Variants in KANK1 observed in about 807,000 individuals in gnomAD.
KANK1 encodes the protein KN motif and ankyrin repeat domains 1.
Under a neutral mutation model 106.2 loss-of-function variants are expected in KANK1, and 109 were observed. That is an observed-to-expected ratio of 1.03 (90% CI 0.88 to 1.20). The LOEUF is 1.20. Among genes scored for constraint, KANK1 ranks in the 50% most tolerant of loss-of-function variants. KANK1 has a pLI of 0.00. For synonymous variants in KANK1, 873 were observed against 652.2 expected (o/e 1.34, Z -5.16); for missense variants, 2,399 against 1,710.7 (o/e 1.40, Z -7.10).
chr9:548,683 A>T (rs1164810770), intron 1 of KANK1, among the ~76,000 whole-genome samples: 1 of 152,228 alleles, frequency 6.6e-6, no homozygotes. Flanking sequence ...AGGATATACT[A>T]AAATGTTAAT....
At chr9:621,512 C>T (rs1833141009) in intron 1 of KANK1, among the ~76,000 whole-genome samples, 1 of 152,180 alleles carries the variant, frequency 6.6e-6, no homozygotes, top group Non-Finnish European at 1.5e-5. Flanking sequence ...ATACAAAAGC[C>T]TTTGACCCCA....
At chr9:682,575 C>A (rs1464997267) in intron 2 of KANK1, among the ~76,000 whole-genome samples, 1 of 152,062 alleles carries the variant, frequency 6.6e-6, no homozygotes, top group Non-Finnish European at 1.5e-5. Context: ...TTGAAGTATT[C>A]TTTTTTTGTT....
In KANK1 at chr9:510,788, TGGTAAACA is replaced by T. The variant is rs1587367396; in HGVS notation, c.-84+6035_-84+6042del. ...TTCAAGTCAGCATCATGGGGTTTAA[TGGTAAACA>T]CCTGCCAGAGATTAGAATGCAGTAG... On this transcript the variant is annotated intron_variant, in intron 1 of 11. Transcript: ENST00000382297. Among the ~76,000 whole-genome samples the T allele has an allele frequency of 3.3e-5, 5 of 152,350 alleles. No homozygotes were observed. The East Asian group carries it at 9.6e-4, about 29-fold the overall frequency.
intron 3 of KANK1, among the ~76,000 whole-genome samples, chr9:719,418 T>C (rs1828705751): frequency 6.6e-6 from 1 of 152,212 alleles, no homozygotes; most frequent in Admixed American, 6.5e-5. Flanking sequence ...TTAGATGTTC[T>C]TTAAAAATTA....
At chr9:738,656 GTC>G in intron 8 of KANK1, 152 bp downstream of exon 8, 1 of 658,388 alleles carries the variant, frequency 1.5e-6, no homozygotes. Flanking sequence ...ATTTTCTTGA[GTC>G]ATTCATAAGA....
chr9:616,090 C>T (rs1372667967), intron 1 of KANK1, among the ~76,000 whole-genome samples: 1 of 152,204 alleles, frequency 6.6e-6, no homozygotes, highest in African/African-American at 2.4e-5. Flanking sequence ...CAGCCGAGCA[C>T]CACATCCACT....
chr9:577,813 C>T (rs762469405), intron 1 of KANK1, among the ~76,000 whole-genome samples: 49 of 152,124 alleles, frequency 3.2e-4, no homozygotes, highest in Non-Finnish European at 4.7e-4. Flanking sequence ...ACTGGCTTTA[C>T]GCATGAGAAG....
At chr9:516,637 A>C (rs111767928) in intron 1 of KANK1, among the ~76,000 whole-genome samples, 1 of 151,592 alleles carries the variant, frequency 6.6e-6, no homozygotes, top group Admixed American at 6.6e-5. Context: ...TGCGAAGTGC[A>C]GTGCAGAGAC....
intron 1 of KANK1, among the ~76,000 whole-genome samples, chr9:532,399 A>G (rs534868115): frequency 1.0e-3 from 109 of 106,198 alleles, no homozygotes; most frequent in East Asian, 2.5e-3. Context: ...TACCATTTCA[A>G]TCATTTTGAG....
At chr9:490,065 C>T (rs2058352921) in intron 3 of KANK1, among the ~76,000 whole-genome samples, 1 of 152,198 alleles carries the variant, frequency 6.6e-6, no homozygotes, top group Non-Finnish European at 1.5e-5. Context: ...TTTATAGGGT[C>T]ACTCTCTGGG....
At position 698,486 on chromosome 9, in the gene KANK1, CTT is replaced by C. The variant is rs377257689; in HGVS notation, c.38-12313_38-12312del. Among the ~76,000 whole-genome samples the C allele has an allele frequency of 3.7e-3, 556 of 152,146 alleles. 7 individuals carry two copies. The highest frequency in any genetic ancestry group is 0.013 in the African/African-American group (547 of 41,500). On this transcript the variant is annotated intron_variant, in intron 2 of 11. Coordinates refer to ENST00000382297, the MANE Select transcript of KANK1 (RefSeq NM_015158.5). The stretch of plus-strand genomic sequence containing the variant: ...TCCATTGGTTTAAAGAAAAAATTTT[CTT>C]TTTTAATAGCAGAATGAGGTAACAG...
chr9:641,979 G>T (rs890686251), intron 1 of KANK1, among the ~76,000 whole-genome samples: 1 of 152,080 alleles, frequency 6.6e-6, no homozygotes, highest in Non-Finnish European at 1.5e-5. Context: ...ATCAAAAGCC[G>T]ATTTCCTCCC....
intron 3 of KANK1, among the ~76,000 whole-genome samples, chr9:481,664 A>C (rs535820910): frequency 6.6e-6 from 1 of 152,262 alleles, no homozygotes; most frequent in South Asian, 2.1e-4. Flanking sequence ...ATGGGTTCAG[A>C]AAGAGCCACA....
At chr9:594,757 A>T (rs544285608) in intron 1 of KANK1, among the ~76,000 whole-genome samples, 1 of 151,956 alleles carries the variant, frequency 6.6e-6, no homozygotes, top group Middle Eastern at 3.4e-3. Flanking sequence ...AAAAAAATTA[A>T]TAATTTTTAA....
intron 9 of KANK1, 102 bp from the exon 10 acceptor site, chr9:742,103 C>T: frequency 1.0e-6 from 1 of 997,772 alleles, no homozygotes; most frequent in Non-Finnish European, 1.5e-6. Context: ...TCTTTCCCTT[C>T]TGTCACCACA....
At chr9:643,956 G>A (rs1429393068) in intron 1 of KANK1, among the ~76,000 whole-genome samples, 2 of 150,952 alleles carry the variant, frequency 1.3e-5, no homozygotes, top group African/African-American at 5.0e-5. Context: ...ACCCGCCTTG[G>A]CCTCCCAAAG....
upstream of KANK1, among the ~76,000 whole-genome samples, chr9:502,636 C>T (rs146370170): frequency 2.3e-4 from 35 of 151,992 alleles, 1 homozygote; most frequent in East Asian, 6.8e-3. Context: ...GATTCTCCTG[C>T]CTCAGCCTCC....
In KANK1 at chr9:536,735, AATGACTTTTGCC is replaced by A. The variant is rs146386269; in HGVS notation, c.-84+31986_-84+31997del. Among the ~76,000 whole-genome samples the A allele has an allele frequency of 4.1e-3, 625 of 152,306 alleles. 11 individuals are homozygous for A. Among genetic ancestry groups the A allele is most frequent in the African/African-American group, 0.015 (613 of 41,572 alleles). On this transcript the variant is annotated intron_variant, in intron 1 of 11. Transcript: ENST00000382297. Reference sequence around the variant, plus strand: ...TCCTTAATCTTAATGCCGTCTGCACAATGACTTTTGCCATGAATGTAACATAGTCACAGGTTT... The same window carrying A: ...TCCTTAATCTTAATGCCGTCTGCACAATGAATGTAACATAGTCACAGGTTT...
intron 3 of KANK1, among the ~76,000 whole-genome samples, chr9:717,360 C>T (rs1828007297): frequency 6.6e-6 from 1 of 152,174 alleles, no homozygotes; most frequent in Non-Finnish European, 1.5e-5. Context: ...CTCCCTGGCA[C>T]ACTCCTGTGG....
Sources: allele counts gnomAD v4.1 joint callset (sites outside exome capture counted in the v4.1 genomes callset), GRCh38; gene constraint gnomAD v4.1.1; transcripts MANE v1.5; gene names NCBI Gene and HGNC (gene_info 2026-07-23, HGNC 2026-07-21).